SLC36A1: variants seen among roughly 807,000 people sequenced by gnomAD.
SLC36A1 encodes the protein solute carrier family 36 member 1, also known as proton-coupled amino acid transporter 1.
Under a neutral mutation model 47.5 loss-of-function variants are expected in SLC36A1, and 30 were observed. That is an observed-to-expected ratio of 0.63 (90% CI 0.47 to 0.86). The LOEUF (loss-of-function observed/expected upper bound fraction) is 0.86, where lower values mean the gene tolerates loss of function less well. SLC36A1 is among the 40% of genes least tolerant of loss of function. The pLI, the probability that SLC36A1 is intolerant of heterozygous loss-of-function variation, is 0.00. For missense variants in SLC36A1, 517 were observed against 606.0 expected, an observed-to-expected ratio of 0.85 and a Z score of 1.54; for synonymous variants, 255 against 249.7, an observed-to-expected ratio of 1.02 and a Z score of -0.20.
At chr5:151,538,740 C>T in the SLC36A1 span, among the ~76,000 whole-genome samples, 11 of 152,244 alleles carry the variant, frequency 7.2e-5, no homozygotes, top group Admixed American at 2.0e-4. Context: ...TGCAGTGGCA[C>T]GATCTTGGCT....
the SLC36A1 span, among the ~76,000 whole-genome samples, chr5:151,394,795 A>G: frequency 6.6e-6 from 1 of 152,148 alleles, no homozygotes; most frequent in African/African-American, 2.4e-5. Flanking sequence ...AGGCGTGTGA[A>G]GTGTCAGTCT....
the SLC36A1 span, among the ~76,000 whole-genome samples, chr5:151,375,237 A>G: frequency 1.3e-5 from 2 of 152,210 alleles, no homozygotes; most frequent in Non-Finnish European, 2.9e-5. Context: ...ATTTTTGTAT[A>G]TGGTGAGAGA....
At chr5:151,529,455 G>C in the SLC36A1 span, 1 of 1,451,664 alleles carries the variant, frequency 6.9e-7, no homozygotes, top group Non-Finnish European at 9.6e-7. Flanking sequence ...GCAGGACTGA[G>C]GGTCTGAGCC....
chr5:151,356,715 G>C, the SLC36A1 span, among the ~76,000 whole-genome samples: 1 of 152,136 alleles, frequency 6.6e-6, no homozygotes, highest in South Asian at 2.1e-4. Context: ...TTACCTCTGG[G>C]CATTCAGTTG....
the SLC36A1 span, chr5:151,542,751 G>A: frequency 6.2e-7 from 1 of 1,614,232 alleles, no homozygotes; most frequent in Non-Finnish European, 8.5e-7. Context: ...CAGGCCTATT[G>A]TCATTGACGT....
the SLC36A1 span, among the ~76,000 whole-genome samples, chr5:151,344,661 C>G: frequency 6.6e-6 from 1 of 152,178 alleles, no homozygotes; most frequent in Admixed American, 6.5e-5. Context: ...AGATTTAACA[C>G]AGTGCTGCTT....
chr5:151,373,265 T>TA, the SLC36A1 span, among the ~76,000 whole-genome samples: 2 of 149,906 alleles, frequency 1.3e-5, no homozygotes, highest in East Asian at 1.9e-4. Flanking sequence ...AGACCTCGTC[T>TA]AAAAAAAAAG....
chr5:151,411,515 G>A, the SLC36A1 span, among the ~76,000 whole-genome samples: 10 of 144,784 alleles, frequency 6.9e-5, 1 homozygote, highest in African/African-American at 2.3e-4. Context: ...ATTGTAAAAT[G>A]TAAAACTCAG....
chr5:151,435,209 A>G (rs1040098021), upstream of SLC36A1, among the ~76,000 whole-genome samples: 1 of 152,244 alleles, frequency 6.6e-6, no homozygotes, highest in East Asian at 1.9e-4. Flanking sequence ...GCAGTGTAAA[A>G]GAAATTTCAA....
chr5:151,473,783 A>G lies in SLC36A1; in HGVS notation c.822+12A>G. The G allele has an allele frequency of 1.2e-6, 2 of 1,600,830 alleles. No individual in the cohort carries two copies. The highest frequency in any genetic ancestry group is 2.2e-5 in the South Asian group (2 of 90,736). On this transcript the variant is annotated intron_variant, in intron 8 of 10. Coordinates refer to ENST00000243389, the MANE Select transcript of SLC36A1 (RefSeq NM_078483.4). ...AAGGCATTGGAATGGTAAGAGCTGC[A>G]CTGTGATTTGGGCTAGTGTTCTCTG...
chr5:151,351,145 A>T, the SLC36A1 span, among the ~76,000 whole-genome samples: 4 of 152,104 alleles, frequency 2.6e-5, no homozygotes, highest in African/African-American at 7.2e-5. Flanking sequence ...AACCATTTTT[A>T]TGATATCATT....
the SLC36A1 span, among the ~76,000 whole-genome samples, chr5:151,412,983 G>A: frequency 6.9e-6 from 1 of 144,234 alleles, no homozygotes. Context: ...CCAGTCCATT[G>A]CCTCAATAGG....
chr5:151,419,664 T>C, the SLC36A1 span, among the ~76,000 whole-genome samples: 1 of 152,244 alleles, frequency 6.6e-6, no homozygotes, highest in African/African-American at 2.4e-5. Context: ...GATCAGTATG[T>C]CTGGGTGGGG....
the SLC36A1 span, among the ~76,000 whole-genome samples, chr5:151,376,429 T>G: frequency 6.6e-6 from 1 of 152,180 alleles, no homozygotes; most frequent in Non-Finnish European, 1.5e-5. Context: ...AGTTCTGCTC[T>G]AATCTTTATT....
upstream of SLC36A1, among the ~76,000 whole-genome samples, chr5:151,432,236 A>C (rs1759395815): frequency 6.6e-6 from 1 of 152,226 alleles, no homozygotes; most frequent in African/African-American, 2.4e-5. Flanking sequence ...AGTTTTTAAA[A>C]ATTCAACAGT....
the SLC36A1 span, among the ~76,000 whole-genome samples, chr5:151,554,016 T>C: frequency 3.3e-5 from 5 of 152,336 alleles, no homozygotes; most frequent in Admixed American, 6.5e-5. Flanking sequence ...ATTTTACAAA[T>C]GATAAAGGTT....
At chr5:151,534,493 G>C in the SLC36A1 span, 1 of 1,614,056 alleles carries the variant, frequency 6.2e-7, no homozygotes, top group Non-Finnish European at 8.5e-7. Flanking sequence ...CAGTGGCTGG[G>C]GAAGAACCGC....
At position 151,468,269 on chromosome 5, in the gene SLC36A1, ATAT is replaced by A. The variant is rs1561759749; in HGVS notation, c.723+345_723+347del. ...TCTGTCTCAAAAAAAAAAAAAAAAT[ATAT>A]ATATATATATATATATATATATTTT... On this transcript the variant is annotated intron_variant, in intron 7 of 10. Coordinates refer to ENST00000243389, the MANE Select transcript of SLC36A1 (RefSeq NM_078483.4). 2.6e-3 allele frequency among the ~76,000 whole-genome samples: 210 copies of A among 81,614 alleles called. 6 individuals are homozygous for A. The highest frequency in any genetic ancestry group is 0.014 in the African/African-American group (199 of 13,740). The allele number at this position is 81,614 out of a possible 152,430, so 53.5% of individuals were successfully genotyped here.
At chr5:151,515,150 C>G in the SLC36A1 span, among the ~76,000 whole-genome samples, 1 of 152,148 alleles carries the variant, frequency 6.6e-6, no homozygotes. Flanking sequence ...TTACTGGCCT[C>G]TCAGCAGCAG....
Sources: gnomAD v4.1 joint callset for allele counts (sites outside exome capture counted in the v4.1 genomes callset) on GRCh38, gnomAD v4.1.1 for gene constraint, MANE v1.5 for transcripts, NCBI Gene and HGNC (gene_info 2026-07-23, HGNC 2026-07-21) for gene names.